VWA7: variants seen among roughly 807,000 people sequenced by gnomAD.
VWA7 encodes von Willebrand factor A domain containing 7, also known as von Willebrand factor A domain-containing protein 7.
Under a neutral mutation model 83.1 loss-of-function variants are expected in VWA7, and 66 were observed. The ratio of observed to expected loss-of-function variants is 0.79; its 90% CI spans 0.65 to 0.98. VWA7 has a LOEUF of 0.98. Among genes scored for constraint, VWA7 ranks in the 50% least tolerant of loss-of-function variants. VWA7 has a pLI of 0.00. For synonymous variants in VWA7, 424 were observed against 488.5 expected (o/e 0.87, Z 1.74); for missense variants, 1,080 against 1,160.2 (o/e 0.93, Z 1.00).
intron 5 of VWA7, 40 bp downstream of exon 5, chr6:31,774,476 C>T: frequency 6.3e-7 from 1 of 1,575,202 alleles, no homozygotes; most frequent in Admixed American, 1.7e-5. Flanking sequence ...AAGGGAATGA[C>T]TTTCTCCCCT....
At position 31,770,196 on chromosome 6, in the gene VWA7, C is replaced by A. The variant is rs1676085774; in HGVS notation, c.1088-83G>T. ...CAGAGCCACCTCCCCAGTTGAGGGG[C>A]CTGGTGTGCTTCTGGAGCCGACAGG... On this transcript the variant is annotated intron_variant, in intron 7 of 16. Coordinates refer to ENST00000375688, the MANE Select transcript of VWA7 (RefSeq NM_025258.3). 2.7e-6 allele frequency: 3 copies of A among 1,100,468 alleles called. No individual in the cohort carries two copies. In the African/African-American group the frequency reaches 4.8e-5, roughly 17 times the overall value. The allele number at this position is 1,100,468 out of a possible 1,614,324, so 68.2% of individuals were successfully genotyped here. A position where few individuals can be genotyped will look rare whatever the true frequency, so the allele number is the denominator to read the frequency against.
At position 31,765,788 on chromosome 6, in the gene VWA7, A is replaced by G. The variant is rs1811470995; in HGVS notation, c.2500-18T>C. The G allele has an allele frequency of 1.3e-6, 2 of 1,584,588 alleles. No homozygotes were observed. Among genetic ancestry groups the G allele is most frequent in the Non-Finnish European group, 1.7e-6 (2 of 1,163,954 alleles). On this transcript the variant is annotated intron_variant, in intron 16 of 16. Transcript: ENST00000375688. ...TGCCGGTCCTGTGGGGAAAAGGAAG[A>G]GAATGACAGGGTGTGCTAGAGCTGT... is the stretch of plus-strand genomic sequence containing the variant.
intron 7 of VWA7, among the ~76,000 whole-genome samples, chr6:31,770,984 AGAGT>A (rs1812118039): frequency 1.4e-5 from 2 of 147,718 alleles, no homozygotes; most frequent in East Asian, 2.0e-4. Flanking sequence ...CCTGGGTGAC[AGAGT>A]GAGACTCTCC....
At chr6:31,774,113 C>T (rs1313733646) in intron 5 of VWA7, among the ~76,000 whole-genome samples, 1 of 142,436 alleles carries the variant, frequency 7.0e-6, no homozygotes, top group Non-Finnish European at 1.5e-5. Context: ...GAGATCGTGC[C>T]ACTGTACTCC....
rs1812450359 is a variant in VWA7 at position 31,773,996 on chromosome 6, A to C, written c.721+520T>G. Among the ~76,000 whole-genome samples, 1 of 151,510 alleles carries C rather than the reference A, an allele frequency of 6.6e-6. No individual in the cohort carries two copies. Among genetic ancestry groups the C allele is most frequent in the Non-Finnish European group, 1.5e-5 (1 of 67,894 alleles). Reference sequence around the variant, plus strand: ...ATGATGAAACCCTGTCTCTACTAAAAGTACAAAATTAGCCGGGCGTGGTGG... The same window carrying C: ...ATGATGAAACCCTGTCTCTACTAAACGTACAAAATTAGCCGGGCGTGGTGG... On this transcript the variant is annotated intron_variant, in intron 5 of 16. Coordinates refer to ENST00000375688, the MANE Select transcript of VWA7 (RefSeq NM_025258.3). The surrounding 1 kb of genome is among the most constrained non-coding windows in gnomAD (Gnocchi z 5.3).
intron 10 of VWA7, 117 bp downstream of exon 10, chr6:31,768,901 G>T: frequency 1.7e-6 from 2 of 1,164,320 alleles, no homozygotes; most frequent in Non-Finnish European, 2.3e-6. Flanking sequence ...TTCCTTTCCT[G>T]CCCCGTGACT....
Position 31,776,496 on chromosome 6 carries a change from A to C in VWA7, c.234+50T>G. 6.8e-7 allele frequency: 1 copy of C among 1,460,720 alleles called. No individual in the cohort carries two copies. Among genetic ancestry groups the C allele is most frequent in the Non-Finnish European group, 9.2e-7 (1 of 1,084,514 alleles). 90.5% of individuals were successfully genotyped at this position (1,460,720 alleles called of 1,614,324 possible). A position where few individuals can be genotyped will look rare whatever the true frequency, so the allele number is the denominator to read the frequency against. ...AGAGCCCTCAAGGAGTAGAGGCCCCATGGAATTGGGGACTCTGGCAGGGGT... is the reference window on the plus strand; with the variant it reads ...AGAGCCCTCAAGGAGTAGAGGCCCCCTGGAATTGGGGACTCTGGCAGGGGT... On this transcript the variant is annotated intron_variant, in intron 2 of 16. Coordinates refer to ENST00000375688, the MANE Select transcript of VWA7 (RefSeq NM_025258.3). The surrounding 1 kb of genome is among the most constrained non-coding windows in gnomAD (Gnocchi z 6.2).
chr6:31,767,073 TAA>T (rs1562265676), intron 13 of VWA7, 83 bp downstream of exon 13: 3 of 343,256 alleles, frequency 8.7e-6, no homozygotes, highest in Non-Finnish European at 1.6e-5. Flanking sequence ...ATTATATATA[TAA>T]TATATATATT....
At position 31,765,743 on chromosome 6, in the gene VWA7, A is replaced by G. The variant is rs1194012366; in HGVS notation, c.2527T>C (p.Ser843Pro). ...GTGGCCGTGGTGAGGATCGGGTCAG[A>G]TGAGCCGGTAGGGGTGGTGTGCCGG... ...QDRHTTPTGS[S>P]DPILTTATPA... The change falls in exon 17 of 17, where the codon TCT (serine) becomes CCT (proline). Residue 843 changes from serine to proline, a missense_variant. Ser to Pro is a moderately conservative substitution (Grantham distance 74, BLOSUM62 -1). Transcript: ENST00000375688. The G allele has an allele frequency of 1.3e-6, 2 of 1,591,432 alleles. No homozygotes were observed. The highest frequency in any genetic ancestry group is 1.3e-5 in the African/African-American group (1 of 74,632).
chr6:31,767,342 A>G lies in VWA7; in HGVS notation c.1789+20T>C, dbSNP rs1449781104. The G allele has an allele frequency of 6.2e-7, 1 of 1,612,742 alleles. No homozygotes were observed. The highest frequency in any genetic ancestry group is 8.5e-7 in the Non-Finnish European group (1 of 1,179,232). ...CCTGCAGTCTCTGCTTCCCCTTCCC[A>G]GGAACACCTCCCTCCTTACCTTGCA... On this transcript the variant is annotated intron_variant, in intron 12 of 16. Transcript: ENST00000375688.
At position 31,776,507 on chromosome 6, in the gene VWA7, G is replaced by T; in HGVS notation, c.234+39C>A. 6.7e-7 allele frequency: 1 copy of T among 1,491,510 alleles called. No individual in the cohort carries two copies. Among genetic ancestry groups the T allele is most frequent in the Non-Finnish European group, 9.0e-7 (1 of 1,107,382 alleles). The allele number at this position is 1,491,510 out of a possible 1,614,324, so 92.4% of individuals were successfully genotyped here. ...GGAGTAGAGGCCCCATGGAATTGGG[G>T]ACTCTGGCAGGGGTGTGACAGGACC... On this transcript the variant is annotated intron_variant, in intron 2 of 16. Coordinates refer to ENST00000375688, the MANE Select transcript of VWA7 (RefSeq NM_025258.3). The surrounding 1 kb of genome is among the most constrained non-coding windows in gnomAD (Gnocchi z 6.2).
rs755313625 is a variant in VWA7 at position 31,767,267 on chromosome 6, GCAGT to G, written c.1790-21_1790-18del. On this transcript the variant is annotated intron_variant, in intron 12 of 16. Transcript: ENST00000375688. ...AGGTCTGGGCTGGGAAAGGGCAAAG[GCAGT>G]CAGAGCCCTTCCTGAAAGGAATGTG... 2.1e-5 allele frequency: 34 copies of G among 1,611,734 alleles called. No homozygotes were observed. The South Asian group carries it at 3.7e-4, about 18-fold the overall frequency.
rs1428385494 is a variant in VWA7 at position 31,767,426 on chromosome 6, AG to A, written c.1724del (p.Pro575LeufsTer19). ...GQFWMVTMDD[P>X]PQTGTWEIQV... ...GGATCTCCCAGGTTCCTGTCTGTGG[AG>A]GGTCATCCATGGTCACCATCCAGAA... On this transcript the variant is annotated frameshift_variant, in exon 12 of 17. Coordinates refer to ENST00000375688, the MANE Select transcript of VWA7 (RefSeq NM_025258.3). LOFTEE classifies it high-confidence loss of function. 1 of 1,612,990 alleles carries A rather than the reference AG, an allele frequency of 6.2e-7. No individual in the cohort carries two copies. The highest frequency in any genetic ancestry group is 1.1e-5 in the South Asian group (1 of 91,078).
chr6:31,776,682 A>T lies in VWA7; in HGVS notation c.98T>A (p.Ile33Asn), dbSNP rs996215454. ...GCCAGGGGCAGCCAGCAGGCTCCAG[A>T]TGTTGGGGAAGAAGGCAGATGTGGG... Reference protein sequence around the residue: ...LPPTSAFFPNIWSLLAAPGSI... With the variant: ...LPPTSAFFPNNWSLLAAPGSI... The change falls in exon 2 of 17, where the codon ATC becomes AAC. Residue 33 changes from isoleucine to asparagine, a missense_variant. Ile to Asn is a moderately radical substitution (Grantham distance 149). Coordinates refer to ENST00000375688, the MANE Select transcript of VWA7 (RefSeq NM_025258.3). The surrounding 1 kb of genome is among the most constrained non-coding windows in gnomAD (Gnocchi z 6.2). The T allele has an allele frequency of 1.3e-6, 2 of 1,531,384 alleles. No homozygotes were observed. Among genetic ancestry groups the T allele is most frequent in the African/African-American group, 2.8e-5 (2 of 72,238 alleles). The allele number at this position is 1,531,384 out of a possible 1,614,324, so 94.9% of individuals were successfully genotyped here.
At position 31,776,535 on chromosome 6, in the gene VWA7, G is replaced by T; in HGVS notation, c.234+11C>A. ...TCTGGCAGGGGTGTGACAGGACCCT[G>T]GGATGCTCACCAGGAAGTCCTCAAG... On this transcript the variant is annotated intron_variant, in intron 2 of 16. Coordinates refer to ENST00000375688, the MANE Select transcript of VWA7 (RefSeq NM_025258.3). This position sits in a 1 kb window ranked among gnomAD's most constrained non-coding sequence, Gnocchi z 6.2. 2 of 1,542,012 alleles carry T rather than the reference G, an allele frequency of 1.3e-6. No individual in the cohort carries two copies. The highest frequency in any genetic ancestry group is 1.8e-6 in the Non-Finnish European group (2 of 1,141,662).
chr6:31,766,665 A>T lies in VWA7; in HGVS notation c.1982T>A (p.Val661Asp), dbSNP rs1232267219. 1 of 1,612,686 alleles carries T rather than the reference A, an allele frequency of 6.2e-7. No homozygotes were observed. The highest frequency in any genetic ancestry group is 8.5e-7 in the Non-Finnish European group (1 of 1,179,904). ...PHFSHVILRGVPEGAELGQVP... is the reference protein window; with the variant it reads ...PHFSHVILRGDPEGAELGQVP... Reference sequence around the variant, plus strand: ...CTGGCCTAGTTCGGCACCCTCTGGGACCCCTCGAAGGATGACGTGGGAGAA... The same window carrying T: ...CTGGCCTAGTTCGGCACCCTCTGGGTCCCCTCGAAGGATGACGTGGGAGAA... The change falls in exon 14 of 17, where the codon GTC becomes GAC. Residue 661 changes from valine to aspartate, a missense_variant. Physicochemically the swap from Val to Asp is radical, Grantham distance 152 (BLOSUM62 -3). Coordinates refer to ENST00000375688, the MANE Select transcript of VWA7 (RefSeq NM_025258.3). The surrounding 1 kb of genome is among the most constrained non-coding windows in gnomAD (Gnocchi z 4.9).
In VWA7 at chr6:31,769,349, C is replaced by T; in HGVS notation, c.1318-146G>A. 9.7e-7 allele frequency: 1 copy of T among 1,030,086 alleles called. No homozygotes were observed. The highest frequency in any genetic ancestry group is 1.4e-6 in the Non-Finnish European group (1 of 725,080). The allele number at this position is 1,030,086 out of a possible 1,614,324, so 63.8% of individuals were successfully genotyped here. On this transcript the variant is annotated intron_variant, in intron 9 of 16. Coordinates refer to ENST00000375688, the MANE Select transcript of VWA7 (RefSeq NM_025258.3). The surrounding 1 kb of genome is among the most constrained non-coding windows in gnomAD (Gnocchi z 4.5). ...CTTCTGGCTGCTGGGGTGGGGAATC[C>T]CAATGACAGAACCCCCTGCCTTCAG...
In VWA7 at chr6:31,773,468, A is replaced by C; in HGVS notation, c.722-31T>G. The C allele has an allele frequency of 3.3e-6, 5 of 1,526,434 alleles. No individual in the cohort carries two copies. The highest frequency in any genetic ancestry group is 3.5e-6 in the Non-Finnish European group (4 of 1,136,080). The allele number at this position is 1,526,434 out of a possible 1,614,324, so 94.6% of individuals were successfully genotyped here. ...TTGGGGAAAGGGATCTGGAGAGTGG[A>C]GGTCAAAAACCCACTGCCTCCTAAG... On this transcript the variant is annotated intron_variant, in intron 5 of 16. Transcript: ENST00000375688. The surrounding 1 kb of genome is among the most constrained non-coding windows in gnomAD (Gnocchi z 5.3).
In VWA7 at chr6:31,765,755, G is replaced by C. The variant is rs1363646722; in HGVS notation, c.2515C>G (p.Pro839Ala). The stretch of plus-strand genomic sequence containing the variant: ...AGGATCGGGTCAGATGAGCCGGTAG[G>C]GGTGGTGTGCCGGTCCTGTGGGGAA... The part of the protein sequence containing the change: ...APAPQDRHTT[P>A]TGSSDPILTT... The change falls in exon 17 of 17, where the codon CCT becomes GCT. Residue 839 changes from proline to alanine, a missense_variant. Physicochemically the swap from Pro to Ala is conservative, Grantham distance 27. Coordinates refer to ENST00000375688, the MANE Select transcript of VWA7 (RefSeq NM_025258.3). 6.3e-7 allele frequency: 1 copy of C among 1,588,912 alleles called. No individual in the cohort carries two copies.
Sources: allele counts gnomAD v4.1 joint callset (sites outside exome capture counted in the v4.1 genomes callset), GRCh38; gene constraint gnomAD v4.1.1; non-coding constraint Gnocchi (gnomAD v3.1); transcripts MANE v1.5; gene names NCBI Gene and HGNC (gene_info 2026-07-23, HGNC 2026-07-21).